Variants in GRM1 observed in about 807,000 individuals in gnomAD.
GRM1 encodes glutamate metabotropic receptor 1.
In GRM1, 33 loss-of-function variants were observed where a neutral mutation model predicts 90.9. The ratio of observed to expected loss-of-function variants is 0.36; its 90% confidence interval spans 0.28 to 0.49. The LOEUF is 0.49. GRM1 is among the 20% of genes least tolerant of loss of function. The probability of loss-of-function intolerance (pLI) is 0.99; values close to 1 mark genes in which losing one functional copy is unlikely to be tolerated. For synonymous variants in GRM1, 700 were observed against 613.2 expected (o/e 1.14, Z -2.09); for missense variants, 1,190 against 1,534.3 (o/e 0.78, Z 3.75).
chr6:146,113,011 C>T (rs371034558), intron 1 of GRM1, among the ~76,000 whole-genome samples: 7 of 152,296 alleles, frequency 4.6e-5, no homozygotes, highest in African/African-American at 9.6e-5. Flanking sequence ...TTTTCCTCCT[C>T]TTAAGTCTTC....
intron 2 of GRM1, among the ~76,000 whole-genome samples, chr6:146,222,103 G>A (rs1289399245): frequency 6.6e-6 from 1 of 152,082 alleles, no homozygotes; most frequent in African/African-American, 2.4e-5. Context: ...ACAGAGTAAA[G>A]CACCTGGTTA....
chr6:146,369,994 T>G (rs1324600090), intron 5 of GRM1, among the ~76,000 whole-genome samples: 1 of 152,068 alleles, frequency 6.6e-6, no homozygotes, highest in Non-Finnish European at 1.5e-5. Context: ...CTTTGTATAT[T>G]TGGGTGCTCT....
intron 1 of GRM1, among the ~76,000 whole-genome samples, chr6:146,149,412 C>T (rs528977194): frequency 3.9e-5 from 6 of 152,230 alleles, no homozygotes; most frequent in Admixed American, 1.3e-4. Context: ...GTGCTAAAGC[C>T]TTATGTCCAC....
intron 5 of GRM1, among the ~76,000 whole-genome samples, chr6:146,361,782 T>C (rs1466462055): frequency 6.6e-6 from 1 of 152,246 alleles, no homozygotes; most frequent in Non-Finnish European, 1.5e-5. Flanking sequence ...AAAGCTGTTA[T>C]CATCCCACGG....
At chr6:146,407,059 T>G (rs1330929322) in intron 7 of GRM1, among the ~76,000 whole-genome samples, 1 of 152,160 alleles carries the variant, frequency 6.6e-6, no homozygotes, top group Admixed American at 6.5e-5. Flanking sequence ...CCTGTGCTCC[T>G]CAAAAAATCA....
At chr6:146,353,419 A>T (rs1221352244) in intron 4 of GRM1, among the ~76,000 whole-genome samples, 1 of 152,202 alleles carries the variant, frequency 6.6e-6, no homozygotes, top group Non-Finnish European at 1.5e-5. Flanking sequence ...GTTCAAGTGG[A>T]ACATCAAATC....
At chr6:146,212,790 C>T (rs944866299) in intron 2 of GRM1, among the ~76,000 whole-genome samples, 37 of 152,026 alleles carry the variant, frequency 2.4e-4, no homozygotes, top group Non-Finnish European at 1.9e-4. Flanking sequence ...CTTAAGGCAA[C>T]TATACCACAA....
chr6:146,106,033 A>G (rs1165190291), intron 1 of GRM1, among the ~76,000 whole-genome samples: 1 of 152,226 alleles, frequency 6.6e-6, no homozygotes, highest in African/African-American at 2.4e-5. Flanking sequence ...TTGTTATAAT[A>G]GAATTTGGTC....
chr6:146,397,484 GAAAAA>G (rs577471775), intron 6 of GRM1, among the ~76,000 whole-genome samples: 1 of 45,032 alleles, frequency 2.2e-5, no homozygotes. Flanking sequence ...AAAAAAAAAA[GAAAAA>G]AAAAAAAAAA....
intron 5 of GRM1, chr6:146,365,586 A>T (rs1775647660): frequency 6.6e-6 from 1 of 152,240 alleles, no homozygotes; most frequent in Admixed American, 6.5e-5. Flanking sequence ...CATTTATTAA[A>T]GTATAATATA....
chr6:146,239,958 G>T (rs1438526194), intron 2 of GRM1, among the ~76,000 whole-genome samples: 4 of 152,008 alleles, frequency 2.6e-5, no homozygotes, highest in African/African-American at 7.2e-5. Context: ...CAAGCTCTTG[G>T]GTCACCTGCC....
chr6:146,071,777 A>G (rs1249427233), intron 1 of GRM1, among the ~76,000 whole-genome samples: 1 of 152,178 alleles, frequency 6.6e-6, no homozygotes, highest in African/African-American at 2.4e-5. Context: ...TGAAACTGAA[A>G]TACTGTACCC....
intron 2 of GRM1, among the ~76,000 whole-genome samples, chr6:146,292,919 G>A (rs1783040258): frequency 6.6e-6 from 1 of 151,964 alleles, no homozygotes; most frequent in South Asian, 2.1e-4. Flanking sequence ...CTGATACGAT[G>A]TAATACTATA....
Position 146,326,494 on chromosome 6 carries a change from G to T in GRM1, c.1186+21648G>T, listed in dbSNP as rs192116312. 7.9e-5 allele frequency among the ~76,000 whole-genome samples: 12 copies of T among 152,088 alleles called. No homozygotes were observed. The East Asian group carries it at 2.3e-3, about 29-fold the overall frequency. On this transcript the variant is annotated intron_variant, in intron 3 of 7. Transcript: ENST00000282753. Reference sequence around the variant, plus strand: ...CAGGGAAAATAACTAATGGGCACTAGGCTTAATACCTGGCTGGTGAAATAA... The same window carrying T: ...CAGGGAAAATAACTAATGGGCACTATGCTTAATACCTGGCTGGTGAAATAA...
intron 7 of GRM1, among the ~76,000 whole-genome samples, chr6:146,413,448 C>T (rs979890592): frequency 6.6e-6 from 1 of 152,040 alleles, no homozygotes; most frequent in South Asian, 2.1e-4. Flanking sequence ...TCTTGAATTA[C>T]AGTCTTCAGC....
chr6:146,201,765 A>T (rs989280454), intron 2 of GRM1, among the ~76,000 whole-genome samples: 1 of 152,250 alleles, frequency 6.6e-6, no homozygotes, highest in Non-Finnish European at 1.5e-5. Flanking sequence ...CCACTTTACA[A>T]GTGAAGAGGC....
At chr6:146,228,878 C>T (rs571130850) in intron 2 of GRM1, among the ~76,000 whole-genome samples, 1 of 152,192 alleles carries the variant, frequency 6.6e-6, no homozygotes, top group African/African-American at 2.4e-5. Flanking sequence ...TTCCATACTC[C>T]TTGCTTTATT....
At chr6:146,260,308 A>G in intron 2 of GRM1, among the ~76,000 whole-genome samples, 1 of 152,070 alleles carries the variant, frequency 6.6e-6, no homozygotes, top group South Asian at 2.1e-4. Flanking sequence ...AGCTTCATCC[A>G]TGTCCCTGCA....
At chr6:146,164,502 C>A in intron 2 of GRM1, among the ~76,000 whole-genome samples, 1 of 152,096 alleles carries the variant, frequency 6.6e-6, no homozygotes, top group East Asian at 1.9e-4. Flanking sequence ...CCCCTGATTT[C>A]CCTTTGATAG....
Sources: allele counts gnomAD v4.1 joint callset (sites outside exome capture counted in the v4.1 genomes callset), GRCh38; gene constraint gnomAD v4.1.1; transcripts MANE v1.5; gene names NCBI Gene and HGNC (gene_info 2026-07-23, HGNC 2026-07-21).